The following LRIG1 variants were observed in gnomAD, a reference collection of about 807,000 sequenced individuals.
LRIG1 encodes leucine rich repeats and immunoglobulin like domains 1, also known as leucine-rich repeats and immunoglobulin-like domains protein 1.
Under a neutral mutation model 99.2 loss-of-function variants are expected in LRIG1, and 48 were observed. That is an observed-to-expected ratio of 0.48 (90% CI 0.38 to 0.62). LRIG1 has a LOEUF of 0.62. Among genes scored for constraint, LRIG1 ranks in the 20% least tolerant of loss-of-function variants. The probability of loss-of-function intolerance (pLI) is 0.00; values close to 1 mark genes in which losing one functional copy is unlikely to be tolerated. For synonymous variants in LRIG1, 772 were observed against 596.1 expected, an observed-to-expected ratio of 1.29 and a Z score of -4.30; for missense variants, 1,646 against 1,434.4, an observed-to-expected ratio of 1.15 and a Z score of -2.38.
chr3:66,405,942 C>T, intron 8 of LRIG1: 3 of 997,966 alleles, frequency 3.0e-6, no homozygotes, highest in Non-Finnish European at 3.6e-6. Flanking sequence ...CAATGGCTTC[C>T]CAGCTTCCAG....
intron 3 of LRIG1, among the ~76,000 whole-genome samples, chr3:66,424,252 C>G (rs1031769426): frequency 7.9e-5 from 12 of 152,098 alleles, no homozygotes; most frequent in Admixed American, 7.2e-4. Context: ...ACTCCCACAG[C>G]AAGTGGAACT....
Position 66,380,735 on chromosome 3 carries a change from T to A in LRIG1, c.2897A>T (p.Glu966Val), listed in dbSNP as rs1278227402. The A allele has an allele frequency of 6.2e-7, 1 of 1,614,188 alleles. No homozygotes were observed. The highest frequency in any genetic ancestry group is 1.7e-5 in the Admixed American group (1 of 60,030). Residue 966 changes from glutamate to valine, a missense_variant, in exon 18 of 19, where the codon GAG (glutamate) becomes GTG (valine). By Grantham distance (121) the Glu-to-Val change is moderately radical. Transcript: ENST00000273261. The stretch of plus-strand genomic sequence containing the variant: ...ATGCTCTTGGTCACTCCCACCCGGC[T>A]CCGGGCCATTTGGCGCACTTGGCTG... ...SAQPSAPNGPEPGGSDQEHSP... is the reference protein window; with the variant it reads ...SAQPSAPNGPVPGGSDQEHSP...
intron 6 of LRIG1, among the ~76,000 whole-genome samples, chr3:66,412,481 A>C (rs1353989064): frequency 2.0e-5 from 3 of 152,202 alleles, no homozygotes; most frequent in African/African-American, 7.2e-5. Context: ...ACTTCCCCCA[A>C]GTGGATTTCA....
intron 2 of LRIG1, among the ~76,000 whole-genome samples, chr3:66,458,408 A>C (rs1700277603): frequency 6.6e-6 from 1 of 151,714 alleles, no homozygotes; most frequent in African/African-American, 2.4e-5. Context: ...GCTGGGTGGA[A>C]AATGTTTTAA....
At chr3:66,431,263 A>G (rs1351318777) in intron 3 of LRIG1, among the ~76,000 whole-genome samples, 1 of 152,212 alleles carries the variant, frequency 6.6e-6, no homozygotes, top group African/African-American at 2.4e-5. Flanking sequence ...GAAAACCAGG[A>G]CACAGAATGA....
chr3:66,468,069 A>G (rs893388001), intron 1 of LRIG1, among the ~76,000 whole-genome samples: 3 of 152,256 alleles, frequency 2.0e-5, no homozygotes, highest in African/African-American at 7.2e-5. Context: ...ATAATTCTAT[A>G]GGCTTAAACG....
chr3:66,391,380 C>T (rs1034051382), intron 12 of LRIG1, among the ~76,000 whole-genome samples: 3 of 151,922 alleles, frequency 2.0e-5, no homozygotes, highest in African/African-American at 7.3e-5. Context: ...TCATAATAGC[C>T]AAAAAGTGGG....
chr3:66,481,093 G>A (rs565898538), intron 1 of LRIG1, among the ~76,000 whole-genome samples: 1 of 152,276 alleles, frequency 6.6e-6, no homozygotes, highest in African/African-American at 2.4e-5. Flanking sequence ...CCCCTGCCCA[G>A]CACAGGTATG....
chr3:66,484,130 T>G (rs60120473), intron 1 of LRIG1, among the ~76,000 whole-genome samples: 2 of 152,086 alleles, frequency 1.3e-5, no homozygotes, highest in Non-Finnish European at 2.9e-5. Flanking sequence ...TGGAGGGTGG[T>G]GAGGGGTATA....
intron 11 of LRIG1, 68 bp from the exon 12 acceptor site, chr3:66,394,271 CAA>C: frequency 1.5e-6 from 2 of 1,370,920 alleles, no homozygotes; most frequent in South Asian, 1.5e-5. Flanking sequence ...TTCACACACA[CAA>C]TGATCAGTCG....
rs542107396 is a variant in LRIG1, at chr3:66,474,667, G to A, written c.219-12158C>T. Among the ~76,000 whole-genome samples the A allele has an allele frequency of 2.6e-5, 4 of 152,152 alleles. No homozygotes were observed. In the East Asian group the frequency reaches 7.7e-4, roughly 29 times the overall value. ...GGCCCCATCTACATTCAATGTGGCT[G>A]GGTGCATCACCCCACCACACGCCTG... On this transcript the variant is annotated intron_variant, in intron 1 of 18. Coordinates refer to ENST00000273261, the MANE Select transcript of LRIG1 (RefSeq NM_015541.3).
Position 66,415,072 on chromosome 3 carries a change from A to C in LRIG1, c.504-9T>G. ...GATTGCCTGCCAGGTTGCTGGAATGATTCAGAAAAGAAAATGTGGTGGTTG... is the reference window on the plus strand; with the variant it reads ...GATTGCCTGCCAGGTTGCTGGAATGCTTCAGAAAAGAAAATGTGGTGGTTG... On this transcript the variant is annotated splice_polypyrimidine_tract_variant and intron_variant, in intron 4 of 18. Coordinates refer to ENST00000273261, the MANE Select transcript of LRIG1 (RefSeq NM_015541.3). The C allele has an allele frequency of 6.3e-7, 1 of 1,587,958 alleles. No individual in the cohort carries two copies.
At position 66,396,731 on chromosome 3, in the gene LRIG1, A is replaced by G. The variant is rs183255357; in HGVS notation, c.1304+1381T>C. Among the ~76,000 whole-genome samples the G allele has an allele frequency of 4.5e-4, 69 of 152,352 alleles. 1 individual carries two copies. The East Asian group carries it at 9.6e-3, about 21-fold the overall frequency. On this transcript the variant is annotated intron_variant, in intron 11 of 18. Coordinates refer to ENST00000273261, the MANE Select transcript of LRIG1 (RefSeq NM_015541.3). Reference sequence around the variant, plus strand: ...CTCTCAAAATACCTTCTTCCCGTTTAAATTGAATCAGGTATTTTTCAGTCC... The same window carrying G: ...CTCTCAAAATACCTTCTTCCCGTTTGAATTGAATCAGGTATTTTTCAGTCC...
At chr3:66,397,910 C>T (rs1227432227) in intron 11 of LRIG1, among the ~76,000 whole-genome samples, 3 of 152,244 alleles carry the variant, frequency 2.0e-5, no homozygotes, top group Admixed American at 6.5e-5. Flanking sequence ...CATAGCCACA[C>T]CCACCTGCTT....
chr3:66,482,279 GCT>G (rs1700869221), intron 1 of LRIG1, among the ~76,000 whole-genome samples: 1 of 152,248 alleles, frequency 6.6e-6, no homozygotes, highest in Non-Finnish European at 1.5e-5. Context: ...TTACACCTGT[GCT>G]CTCTCAGAAA....
At chr3:66,405,170 G>T in intron 9 of LRIG1, 28 bp downstream of exon 9, 1 of 1,606,384 alleles carries the variant, frequency 6.2e-7, no homozygotes, top group Non-Finnish European at 8.5e-7. Context: ...CGCATTTGCC[G>T]GCGGAGCTCC....
chr3:66,492,555 A>C (rs551064204), intron 1 of LRIG1, among the ~76,000 whole-genome samples: 17 of 152,192 alleles, frequency 1.1e-4, no homozygotes, highest in Non-Finnish European at 2.4e-4. Flanking sequence ...TGAGATCTTG[A>C]GAATGCAGAT....
intron 12 of LRIG1, among the ~76,000 whole-genome samples, chr3:66,388,688 C>A (rs1246349379): frequency 6.6e-6 from 1 of 151,990 alleles, no homozygotes; most frequent in Admixed American, 6.6e-5. Flanking sequence ...GAACAGAAGG[C>A]AGTAGGAAGA....
intron 5 of LRIG1, 41 bp downstream of exon 5, chr3:66,414,879 G>A: frequency 6.6e-7 from 1 of 1,515,052 alleles, no homozygotes; most frequent in Non-Finnish European, 8.8e-7. Context: ...CCTCCATAAA[G>A]TTTGGCTAGC....
Sources: allele counts gnomAD v4.1 joint callset (sites outside exome capture counted in the v4.1 genomes callset), GRCh38; gene constraint gnomAD v4.1.1; transcripts MANE v1.5; gene names NCBI Gene and HGNC (gene_info 2026-07-23, HGNC 2026-07-21).